POTEE: variants seen among roughly 807,000 people sequenced by gnomAD.
POTEE encodes ANKRD26-like family C member 1A.
POTEE carries 21 observed loss-of-function variants against 74.2 expected under a neutral mutation model. The observed-to-expected ratio is 0.28, with a 90% CI of 0.20 to 0.41. The LOEUF (loss-of-function observed/expected upper bound fraction) is 0.41. POTEE is among the 10% of genes least tolerant of loss of function. The pLI is 1.00. For synonymous variants in POTEE, 211 were observed against 432.8 expected, an observed-to-expected ratio of 0.49 and a Z score of 6.36; for missense variants, 525 against 1,158.6, an observed-to-expected ratio of 0.45 and a Z score of 7.94.
At position 131,264,142 on chromosome 2, in the gene POTEE, G is replaced by GT. The variant is rs781228533; in HGVS notation, c.2688dup (p.Gly897TrpfsTer3). On this transcript the variant is annotated frameshift_variant, in exon 18 of 18. Transcript: ENST00000683005. LOFTEE classifies it high-confidence loss of function. ...TACCTCATGAAGATCCTCACCGAGC[G>GT]TGGCTATAGGTTCACCACCATGGCC... 6.2e-7 allele frequency: 1 copy of GT among 1,612,522 alleles called. No homozygotes were observed. Among genetic ancestry groups the GT allele is most frequent in the Non-Finnish European group, 8.5e-7 (1 of 1,179,222 alleles).
At chr2:131,233,494 TC>T (rs1392225636) in intron 9 of POTEE, among the ~76,000 whole-genome samples, 1 of 151,916 alleles carries the variant, frequency 6.6e-6, no homozygotes, top group African/African-American at 2.4e-5. Context: ...AGTTATAGTT[TC>T]CTTGTCATAC....
chr2:131,215,096 A>G (rs1278228197), intron 2 of POTEE, among the ~76,000 whole-genome samples: 2 of 150,846 alleles, frequency 1.3e-5, no homozygotes, highest in Non-Finnish European at 3.0e-5. Context: ...GATATATTTT[A>G]AAAATGCTTA....
intron 9 of POTEE, among the ~76,000 whole-genome samples, chr2:131,233,489 T>C (rs543336408): frequency 3.3e-5 from 5 of 152,106 alleles, no homozygotes; most frequent in African/African-American, 9.7e-5. Context: ...TAGTCAGTTA[T>C]AGTTTCCTTG....
chr2:131,239,795 C>CT (rs1701227575), intron 12 of POTEE, among the ~76,000 whole-genome samples: 1 of 151,686 alleles, frequency 6.6e-6, no homozygotes, highest in Non-Finnish European at 1.5e-5. Flanking sequence ...AAGCAAAACA[C>CT]CAAAAGTTAG....
chr2:131,263,908 A>T lies in POTEE; in HGVS notation c.2453A>T (p.Lys818Met), dbSNP rs751319628. The change falls in exon 18 of 18, where the codon AAG (lysine) becomes ATG (methionine). Residue 818 changes from lysine to methionine, a missense_variant. Physicochemically the swap from Lys to Met is moderately conservative, Grantham distance 95. Transcript: ENST00000683005. Reference protein sequence around the residue: ...APLNPKANREKMTQIMFETFN... With the variant: ...APLNPKANREMMTQIMFETFN... ...CTGAACCCCAAGGCCAACCGCGAGAAGATGACCCAGATCATGTTTGAGACC... is the reference window on the plus strand; with the variant it reads ...CTGAACCCCAAGGCCAACCGCGAGATGATGACCCAGATCATGTTTGAGACC... 6.2e-6 allele frequency: 10 copies of T among 1,614,080 alleles called. No homozygotes were observed. Among genetic ancestry groups the T allele is most frequent in the South Asian group, 4.4e-5 (4 of 91,094 alleles).
Position 131,259,675 on chromosome 2 carries a change from G to A in POTEE, c.1779-2051G>A, listed in dbSNP as rs1218475348. Among the ~76,000 whole-genome samples the A allele has an allele frequency of 4.7e-5, 2 of 42,594 alleles. 1 individual carries two copies. The highest frequency in any genetic ancestry group is 1.2e-3 in the East Asian group (2 of 1,602). 27.9% of individuals were successfully genotyped at this position (42,594 alleles called of 152,430 possible). A position where few individuals can be genotyped will look rare whatever the true frequency, so the allele number is the denominator to read the frequency against. ...GTTTGTACATCTTCTTTTGGGAAAT[G>A]TCTATTCATGTAATTTGGCCACTTT... On this transcript the variant is annotated intron_variant, in intron 16 of 17. Transcript: ENST00000683005.
chr2:131,262,710 A>T (rs1701747435), intron 17 of POTEE, among the ~76,000 whole-genome samples: 1 of 152,228 alleles, frequency 6.6e-6, no homozygotes. Flanking sequence ...AAATGAGTTC[A>T]GTATTATATG....
Position 131,218,573 on chromosome 2 carries a change from C to A in POTEE, c.171C>A (p.Leu57=), listed in dbSNP as rs1700509586. ...GDHDDSAMKT[L]RSKMGKWCHH... ...ACGACGACTCTGCTATGAAGACACT[C>A]AGGAGCAAGATGGGCAAGTGGTGCC... Residue 57 remains leucine (L), a synonymous_variant, in exon 4 of 18, where the codon CTC becomes CTA. Transcript: ENST00000683005. 1.2e-6 allele frequency: 2 copies of A among 1,612,724 alleles called. No homozygotes were observed. Among genetic ancestry groups the A allele is most frequent in the South Asian group, 1.1e-5 (1 of 91,010 alleles).
chr2:131,231,058 TTTATA>T (rs1700938509), intron 9 of POTEE, among the ~76,000 whole-genome samples, 152 bp downstream of exon 9: 1 of 151,612 alleles, frequency 6.6e-6, no homozygotes, highest in Non-Finnish European at 1.5e-5. Context: ...ATTGTGCTAC[TTTATA>T]TTATTATCAC....
At chr2:131,236,974 CATT>C (rs1197365772) in intron 10 of POTEE, among the ~76,000 whole-genome samples, 172 bp downstream of exon 10, 2 of 140,540 alleles carry the variant, frequency 1.4e-5, no homozygotes, top group East Asian at 2.0e-4. Context: ...TCAGTAATCT[CATT>C]AACAGAAGAA....
Position 131,232,074 on chromosome 2 carries a change from A to G in POTEE, c.1126+1168A>G, listed in dbSNP as rs1573716334. On this transcript the variant is annotated intron_variant, in intron 9 of 17. Coordinates refer to ENST00000683005, the MANE Select transcript of POTEE (RefSeq NM_001083538.3). ...TCACTTGTCCACTTAACATATAACT[A>G]TCAAATGTCTTTTAGATAGTAACCA... Among the ~76,000 whole-genome samples the G allele has an allele frequency of 2.0e-5, 3 of 150,968 alleles. No homozygotes were observed. The East Asian group carries it at 5.8e-4, about 29-fold the overall frequency.
chr2:131,263,941 C>G lies in POTEE; in HGVS notation c.2486C>G (p.Thr829Ser), dbSNP rs1461888934. The change falls in exon 18 of 18, where the codon ACC becomes AGC. Residue 829 changes from threonine to serine, a missense_variant. Physicochemically the swap from Thr to Ser is moderately conservative, Grantham distance 58 (BLOSUM62 1). Coordinates refer to ENST00000683005, the MANE Select transcript of POTEE (RefSeq NM_001083538.3). ...CAGATCATGTTTGAGACCTTCAACA[C>G]CCCAGCCATGTACGTGGCCATCCAG... ...MTQIMFETFNTPAMYVAIQAV... is the reference protein window; with the variant it reads ...MTQIMFETFNSPAMYVAIQAV... 2 of 1,614,234 alleles carry G rather than the reference C, an allele frequency of 1.2e-6. No individual in the cohort carries two copies. Among genetic ancestry groups the G allele is most frequent in the African/African-American group, 1.3e-5 (1 of 75,064 alleles).
rs1274495590 is a variant in POTEE, at chr2:131,223,381, AG to A, written c.522-212del. Among the ~76,000 whole-genome samples the A allele has an allele frequency of 2.0e-5, 3 of 149,632 alleles. No individual in the cohort carries two copies. In the East Asian group the frequency reaches 5.8e-4, roughly 29 times the overall value. Reference sequence around the variant, plus strand: ...TCCAGCCCACGTTGAATGTCATCCAAGGGCTATGCTCTTTATATTTATATAG... The same window carrying A: ...TCCAGCCCACGTTGAATGTCATCCAAGGCTATGCTCTTTATATTTATATAG... On this transcript the variant is annotated intron_variant, in intron 4 of 17. Coordinates refer to ENST00000683005, the MANE Select transcript of POTEE (RefSeq NM_001083538.3).
At chr2:131,219,827 C>T (rs1700560131) in intron 4 of POTEE, among the ~76,000 whole-genome samples, 2 of 151,712 alleles carry the variant, frequency 1.3e-5, no homozygotes, top group South Asian at 4.2e-4. Flanking sequence ...TTTTAAATTA[C>T]ACATGCTGTC....
chr2:131,220,491 A>G (rs1350094283), intron 4 of POTEE, among the ~76,000 whole-genome samples: 2 of 150,986 alleles, frequency 1.3e-5, no homozygotes, highest in Non-Finnish European at 2.9e-5. Flanking sequence ...GGCGTGAGCC[A>G]CTGTGCCTGG....
At chr2:131,233,438 T>C (rs1046016861) in intron 9 of POTEE, among the ~76,000 whole-genome samples, 4 of 152,128 alleles carry the variant, frequency 2.6e-5, no homozygotes, top group African/African-American at 9.7e-5. Context: ...GAAGGTTCTT[T>C]ACCCTGTAAA....
rs539639442 is a variant in POTEE at position 131,211,015 on chromosome 2, C to T, written c.-344-13C>T. 1.1e-4 allele frequency among the ~76,000 whole-genome samples: 17 copies of T among 151,042 alleles called. No homozygotes were observed. Among genetic ancestry groups the T allele is most frequent in the African/African-American group, 4.2e-4 (17 of 40,400 alleles). ...GAGGCTCTAACGTTACCACTCCCTG[C>T]ATCCCATTCTAGGCTTTTCTGGCTT... is the stretch of plus-strand genomic sequence containing the variant. On this transcript the variant is annotated splice_polypyrimidine_tract_variant and intron_variant, in intron 1 of 17. Transcript: ENST00000683005.
chr2:131,233,955 A>G (rs1701045494), intron 9 of POTEE, among the ~76,000 whole-genome samples: 1 of 151,390 alleles, frequency 6.6e-6, no homozygotes, highest in African/African-American at 2.5e-5. Flanking sequence ...ATGTTTTTCT[A>G]TGCACGTTTA....
At chr2:131,230,754 C>T (rs1408957308) in intron 8 of POTEE, 82 bp from the exon 9 acceptor site, 134 of 1,505,698 alleles carry the variant, frequency 8.9e-5, no homozygotes, top group Middle Eastern at 2.4e-4. Context: ...GTTTGAAATA[C>T]TCTTAATAAT....
Sources: allele counts gnomAD v4.1 joint callset (sites outside exome capture counted in the v4.1 genomes callset), GRCh38; gene constraint gnomAD v4.1.1; transcripts MANE v1.5; gene names NCBI Gene and HGNC (gene_info 2026-07-23, HGNC 2026-07-21).